GMPR: variants seen among roughly 807,000 people sequenced by gnomAD.
The protein encoded by GMPR is GMP reductase 1.
In GMPR, 31 loss-of-function variants were observed where a neutral mutation model predicts 38.4. The ratio of observed to expected loss-of-function variants is 0.81; its 90% CI spans 0.61 to 1.09. The LOEUF is 1.09. GMPR is among the 50% of genes least tolerant of loss of function. The probability of loss-of-function intolerance (pLI) is 0.00; values close to 1 mark genes in which losing one functional copy is unlikely to be tolerated. For synonymous variants in GMPR, 162 were observed against 173.3 expected (o/e 0.93, Z 0.51); for missense variants, 468 against 453.7 (o/e 1.03, Z -0.29).
At chr6:16,285,912 G>C (rs895552096) in intron 7 of GMPR, 77 bp downstream of exon 7, 5 of 1,199,922 alleles carry the variant, frequency 4.2e-6, no homozygotes, top group Non-Finnish European at 6.0e-6. Context: ...CTGGCAACCT[G>C]AATGAGGAGG....
At chr6:16,241,923 G>C (rs969103681) in intron 1 of GMPR, among the ~76,000 whole-genome samples, 1 of 151,930 alleles carries the variant, frequency 6.6e-6, no homozygotes, top group African/African-American at 2.4e-5. Context: ...ATTTTTAGTA[G>C]AGATGGGGTT....
chr6:16,266,039 T>C (rs1759201877), intron 4 of GMPR, among the ~76,000 whole-genome samples: 1 of 152,046 alleles, frequency 6.6e-6, no homozygotes, highest in Non-Finnish European at 1.5e-5. Context: ...CTGAAGTCAG[T>C]GAGACCACGA....
At chr6:16,276,379 C>A (rs754270143) in intron 5 of GMPR, among the ~76,000 whole-genome samples, 33 of 152,236 alleles carry the variant, frequency 2.2e-4, no homozygotes, top group Non-Finnish European at 4.4e-4. Flanking sequence ...CCATGTTGGC[C>A]AGGCTGGTCT....
chr6:16,240,461 G>C (rs762989166), intron 1 of GMPR, among the ~76,000 whole-genome samples: 12 of 152,128 alleles, frequency 7.9e-5, no homozygotes, highest in Non-Finnish European at 1.8e-4. Context: ...TTGAGCCCAC[G>C]AGCTGGAGAT....
At chr6:16,260,615 T>C (rs1303665730) in intron 4 of GMPR, among the ~76,000 whole-genome samples, 1 of 152,010 alleles carries the variant, frequency 6.6e-6, no homozygotes, top group Non-Finnish European at 1.5e-5. Flanking sequence ...TGAGAAGTTA[T>C]TTCCTTGAGG....
chr6:16,261,240 T>A (rs975491476), intron 4 of GMPR, among the ~76,000 whole-genome samples: 2 of 151,900 alleles, frequency 1.3e-5, no homozygotes, highest in Non-Finnish European at 2.9e-5. Flanking sequence ...TTTGGGAGAT[T>A]AATTGGACAC....
chr6:16,257,296 C>G (rs1034911962), intron 4 of GMPR, among the ~76,000 whole-genome samples: 6 of 152,160 alleles, frequency 3.9e-5, no homozygotes, highest in African/African-American at 1.2e-4. Context: ...AGACCTCACC[C>G]TATGTCTCGC....
chr6:16,275,189 A>G (rs1019142467), intron 5 of GMPR, among the ~76,000 whole-genome samples: 1 of 152,208 alleles, frequency 6.6e-6, no homozygotes, highest in African/African-American at 2.4e-5. Flanking sequence ...TCATCCGTGC[A>G]CATCCAGTAT....
rs543959846 is a variant in GMPR at position 16,274,552 on chromosome 6, G to A, written c.547+56G>A. ...GTGTGTGGGGAAGAATGGGATCTGGGGCTTGCGGGGACTGCAGATCACTGG... is the reference window on the plus strand; with the variant it reads ...GTGTGTGGGGAAGAATGGGATCTGGAGCTTGCGGGGACTGCAGATCACTGG... On this transcript the variant is annotated intron_variant, in intron 5 of 8. Coordinates refer to ENST00000259727, the MANE Select transcript of GMPR (RefSeq NM_006877.4). 9.3e-6 allele frequency: 9 copies of A among 968,596 alleles called. No individual in the cohort carries two copies. In the South Asian group the frequency reaches 1.0e-4, roughly 11 times the overall value. The allele number at this position is 968,596 out of a possible 1,614,324, so 60.0% of individuals were successfully genotyped here.
At chr6:16,276,391 G>A (rs557659319) in intron 5 of GMPR, among the ~76,000 whole-genome samples, 5 of 152,176 alleles carry the variant, frequency 3.3e-5, no homozygotes, top group African/African-American at 1.2e-4. Flanking sequence ...GGCTGGTCTC[G>A]AACTCCTGGC....
intron 4 of GMPR, among the ~76,000 whole-genome samples, chr6:16,266,232 C>T (rs954063840): frequency 7.3e-5 from 11 of 151,454 alleles, no homozygotes; most frequent in African/African-American, 2.7e-4. Flanking sequence ...GAACGCCGCG[C>T]GCACCACCTT....
intron 8 of GMPR, among the ~76,000 whole-genome samples, chr6:16,291,998 C>T (rs769963560): frequency 2.6e-5 from 4 of 152,018 alleles, no homozygotes; most frequent in Non-Finnish European, 5.9e-5. Context: ...GGGTTAGCGC[C>T]GATGACAAGC....
At chr6:16,258,535 T>TTC (rs890972919) in intron 4 of GMPR, among the ~76,000 whole-genome samples, 6 of 152,224 alleles carry the variant, frequency 3.9e-5, no homozygotes, top group African/African-American at 1.4e-4. Context: ...CACAGCTGTC[T>TTC]GGGAAGCCAC....
chr6:16,279,455 T>C (rs1223049039), intron 6 of GMPR, among the ~76,000 whole-genome samples: 2 of 152,236 alleles, frequency 1.3e-5, no homozygotes, highest in African/African-American at 4.8e-5. Context: ...TCTTAACTGA[T>C]GACGTGTCCA....
At chr6:16,241,228 TAG>T (rs1758642937) in intron 1 of GMPR, among the ~76,000 whole-genome samples, 1 of 151,612 alleles carries the variant, frequency 6.6e-6, no homozygotes, top group South Asian at 2.1e-4. Flanking sequence ...ACCCTGGGAG[TAG>T]AGTCTGGCTG....
intron 4 of GMPR, among the ~76,000 whole-genome samples, chr6:16,256,077 G>A (rs1255216904): frequency 6.6e-6 from 1 of 151,834 alleles, no homozygotes; most frequent in Non-Finnish European, 1.5e-5. Context: ...TTAGCCAGCC[G>A]TGATGGCGGG....
rs1244673260 is a variant in GMPR at position 16,290,576 on chromosome 6, CT to C, written c.813del (p.Asp272ThrfsTer4). ...CTCAAGCTCTTCTACGGGATGAGCT[CT>C]GACACCGCCATGAACAAGCACGCAG... ...RKLKLFYGMSSDTAMNKHAGG... is the reference protein window; with the variant it reads ...RKLKLFYGMSXDTAMNKHAGG... On this transcript the variant is annotated frameshift_variant, in exon 8 of 9. Transcript: ENST00000259727. LOFTEE classifies it high-confidence loss of function. 5.6e-6 allele frequency: 9 copies of C among 1,614,034 alleles called. No individual in the cohort carries two copies. The highest frequency in any genetic ancestry group is 7.6e-6 in the Non-Finnish European group (9 of 1,180,028).
At chr6:16,292,203 G>C (rs779678212) in intron 8 of GMPR, among the ~76,000 whole-genome samples, 1 of 152,072 alleles carries the variant, frequency 6.6e-6, no homozygotes. Flanking sequence ...ACACCCAGAG[G>C]GTCATTTTGA....
chr6:16,268,324 G>A (rs1295816376), intron 4 of GMPR, among the ~76,000 whole-genome samples: 1 of 152,084 alleles, frequency 6.6e-6, no homozygotes, highest in African/African-American at 2.4e-5. Flanking sequence ...CCTCTTTTTT[G>A]TTGTTGTTGA....
Sources: gnomAD v4.1 joint callset for allele counts (sites outside exome capture counted in the v4.1 genomes callset) on GRCh38, gnomAD v4.1.1 for gene constraint, MANE v1.5 for transcripts, NCBI Gene and HGNC (gene_info 2026-07-23, HGNC 2026-07-21) for gene names.